Variants in ITGAE observed in about 807,000 individuals in gnomAD.
ITGAE encodes the protein integrin subunit alpha E.
Under a neutral mutation model 136.5 loss-of-function variants are expected in ITGAE, and 99 were observed. That is an observed-to-expected ratio of 0.73 (90% CI 0.62 to 0.86). The LOEUF is 0.86. Ranked by LOEUF, ITGAE falls within the 40% of genes least tolerant of loss-of-function variation. The pLI is 0.00. For missense variants in ITGAE, 1,447 were observed against 1,515.3 expected (o/e 0.95, Z 0.75); for synonymous variants, 613 against 591.8 (o/e 1.04, Z -0.52).
intron 1 of ITGAE, among the ~76,000 whole-genome samples, chr17:3,781,598 C>T (rs975919719): frequency 1.3e-5 from 2 of 152,132 alleles, no homozygotes; most frequent in South Asian, 4.1e-4. Flanking sequence ...CTCAGGTGAT[C>T]CGCCCGCCTC....
In ITGAE at chr17:3,724,804, G is replaced by A; in HGVS notation, c.3085-1060C>T. 2 of 1,614,202 alleles carry A rather than the reference G, an allele frequency of 1.2e-6. No homozygotes were observed. The highest frequency in any genetic ancestry group is 1.3e-5 in the African/African-American group (1 of 75,072). Reference sequence around the variant, plus strand: ...GAGGGTCCAGGTCTGTCAAGCACAGGCAAGAGGAGGGCCACAGGCCAGGAC... The same window carrying A: ...GAGGGTCCAGGTCTGTCAAGCACAGACAAGAGGAGGGCCACAGGCCAGGAC... On this transcript the variant is annotated intron_variant, in intron 26 of 30. Transcript: ENST00000263087.
At chr17:3,754,159 G>C (rs2051943505) in intron 12 of ITGAE, among the ~76,000 whole-genome samples, 1 of 152,202 alleles carries the variant, frequency 6.6e-6, no homozygotes, top group African/African-American at 2.4e-5. Context: ...CACGTATGCA[G>C]CTTTGCTCGA....
intron 1 of ITGAE, among the ~76,000 whole-genome samples, chr17:3,800,703 CTCA>C (rs779276020): frequency 6.6e-6 from 1 of 152,224 alleles, no homozygotes; most frequent in Non-Finnish European, 1.5e-5. Context: ...GGTCCTCACC[CTCA>C]TCAGCCCAAC....
At chr17:3,750,315 T>C in intron 16 of ITGAE, 37 bp downstream of exon 16, 1 of 1,611,328 alleles carries the variant, frequency 6.2e-7, no homozygotes, top group Non-Finnish European at 8.5e-7. Flanking sequence ...TGGGTGAGGC[T>C]GGGCCTGGGA....
At position 3,753,778 on chromosome 17, in the gene ITGAE, G is replaced by A; in HGVS notation, c.1527+5C>T. Reference sequence around the variant, plus strand: ...TAAGGGGTGGAGGCTTTCCCCAGCAGGTACCTGCTCTCCCTCCAGCACTGG... The same window carrying A: ...TAAGGGGTGGAGGCTTTCCCCAGCAAGTACCTGCTCTCCCTCCAGCACTGG... On this transcript the variant is annotated splice_donor_5th_base_variant and intron_variant, in intron 13 of 30. Transcript: ENST00000263087. 6.2e-7 allele frequency: 1 copy of A among 1,614,122 alleles called. No homozygotes were observed. Among genetic ancestry groups the A allele is most frequent in the Non-Finnish European group, 8.5e-7 (1 of 1,180,024 alleles).
chr17:3,744,214 TAAAC>T (rs1283193004), intron 18 of ITGAE, among the ~76,000 whole-genome samples: 3 of 152,028 alleles, frequency 2.0e-5, no homozygotes, highest in Non-Finnish European at 2.9e-5. Context: ...TAAGAAGAAA[TAAAC>T]AATAAAAGTG....
chr17:3,734,473 C>G (rs1442071350), intron 21 of ITGAE, among the ~76,000 whole-genome samples: 1 of 152,226 alleles, frequency 6.6e-6, no homozygotes, highest in Non-Finnish European at 1.5e-5. Flanking sequence ...TTCCTAGTAT[C>G]TGTGTCTGTA....
intron 1 of ITGAE, among the ~76,000 whole-genome samples, chr17:3,795,553 T>G (rs2053045433): frequency 6.6e-6 from 1 of 152,210 alleles, no homozygotes; most frequent in Non-Finnish European, 1.5e-5. Context: ...GGGCTCAGAT[T>G]CTGTGTTTAT....
intron 1 of ITGAE, among the ~76,000 whole-genome samples, chr17:3,793,112 C>T (rs1567562624): frequency 6.6e-6 from 1 of 150,614 alleles, no homozygotes; most frequent in Non-Finnish European, 1.5e-5. Flanking sequence ...AATGCAGTGG[C>T]ACAACTTTCG....
At chr17:3,725,071 G>C (rs780973695) in intron 26 of ITGAE, 20 of 1,614,088 alleles carry the variant, frequency 1.2e-5, no homozygotes, top group Middle Eastern at 3.3e-4. Context: ...CAGAATGTCT[G>C]CTTTTGGACC....
At chr17:3,771,855 A>G (rs1348055709) in intron 2 of ITGAE, among the ~76,000 whole-genome samples, 1 of 152,028 alleles carries the variant, frequency 6.6e-6, no homozygotes, top group Non-Finnish European at 1.5e-5. Flanking sequence ...ATTCTTCTGT[A>G]TGGCACATGT....
Position 3,785,026 on chromosome 17 carries a change from C to T in ITGAE, c.35-7366G>A, listed in dbSNP as rs187563465. ...AATTAGCCAGGAATGGTGGCATGCA[C>T]CTATGGTCCCAGCTACTCAGGAGGC... On this transcript the variant is annotated intron_variant, in intron 1 of 30. Transcript: ENST00000263087. Among the ~76,000 whole-genome samples the T allele has an allele frequency of 3.3e-5, 5 of 152,226 alleles. No individual in the cohort carries two copies. In the South Asian group the frequency reaches 6.2e-4, roughly 19 times the overall value.
chr17:3,723,403 T>C lies in ITGAE; in HGVS notation c.3142-20A>G, dbSNP rs1425114273. ...CACATGCTGGAAAAGCGAGGTCTAG[T>C]GAACACAATTCCTTTCCGTGCGGAA... On this transcript the variant is annotated intron_variant, in intron 27 of 30. Coordinates refer to ENST00000263087, the MANE Select transcript of ITGAE (RefSeq NM_002208.5). 2.6e-6 allele frequency: 4 copies of C among 1,534,690 alleles called. No individual in the cohort carries two copies. In the East Asian group the frequency reaches 6.7e-5, roughly 26 times the overall value.
intron 23 of ITGAE, 126 bp from the exon 24 acceptor site, chr17:3,729,681 G>GC (rs1473013208): frequency 4.3e-6 from 3 of 700,158 alleles, no homozygotes; most frequent in Admixed American, 1.9e-5. Flanking sequence ...TGCAACCTCC[G>GC]CCCCCCGGGT....
At chr17:3,782,114 A>C (rs937649773) in intron 1 of ITGAE, among the ~76,000 whole-genome samples, 1 of 151,560 alleles carries the variant, frequency 6.6e-6, no homozygotes, top group African/African-American at 2.4e-5. Flanking sequence ...GTCTCTACTA[A>C]AAATACAAAA....
intron 2 of ITGAE, among the ~76,000 whole-genome samples, chr17:3,775,035 G>A (rs1256015367): frequency 1.3e-5 from 2 of 151,792 alleles, no homozygotes; most frequent in East Asian, 1.9e-4. Context: ...CGACTCACCC[G>A]CCCCCGGGCT....
intron 1 of ITGAE, among the ~76,000 whole-genome samples, chr17:3,787,309 C>T (rs2052824000): frequency 6.6e-6 from 1 of 151,956 alleles, no homozygotes; most frequent in Non-Finnish European, 1.5e-5. Context: ...ACAGGGTTTC[C>T]CCATGTTGGC....
chr17:3,760,342 G>A, intron 6 of ITGAE, 55 bp from the exon 7 acceptor site: 1 of 1,003,858 alleles, frequency 1.0e-6, no homozygotes, highest in Non-Finnish European at 1.5e-6. Context: ...AGATGTAAGG[G>A]TAGCATGTGT....
chr17:3,743,224 G>A (rs1372805674), intron 19 of ITGAE, among the ~76,000 whole-genome samples: 4 of 152,230 alleles, frequency 2.6e-5, no homozygotes, highest in African/African-American at 9.6e-5. Flanking sequence ...CATGAAAGAT[G>A]TAGCAAGTGC....
Sources: allele counts gnomAD v4.1 joint callset (sites outside exome capture counted in the v4.1 genomes callset), GRCh38; gene constraint gnomAD v4.1.1; transcripts MANE v1.5; gene names NCBI Gene and HGNC (gene_info 2026-07-23, HGNC 2026-07-21).